The following GUCY1A2 variants were observed in gnomAD, a reference collection of about 807,000 sequenced individuals.
The protein encoded by GUCY1A2 is guanylate cyclase soluble subunit alpha-2.
In GUCY1A2, 27 loss-of-function variants were observed where a neutral mutation model predicts 63.5. The observed-to-expected ratio is 0.43, with a 90% CI of 0.31 to 0.59. The LOEUF (loss-of-function observed/expected upper bound fraction) is 0.59. Among genes scored for constraint, GUCY1A2 ranks in the 20% least tolerant of loss-of-function variants. The pLI, the probability that GUCY1A2 is intolerant of heterozygous loss-of-function variation, is 0.11. For synonymous variants in GUCY1A2, 364 were observed against 343.5 expected, an observed-to-expected ratio of 1.06 and a Z score of -0.66; for missense variants, 768 against 913.3, an observed-to-expected ratio of 0.84 and a Z score of 2.05.
chr11:106,809,457 T>A (rs1223227432), intron 5 of GUCY1A2, among the ~76,000 whole-genome samples: 1 of 152,204 alleles, frequency 6.6e-6, no homozygotes, highest in East Asian at 1.9e-4. Context: ...CTTGGAAAAT[T>A]AAGGTACTTC....
intron 4 of GUCY1A2, among the ~76,000 whole-genome samples, chr11:106,927,887 T>C (rs1478628829): frequency 6.6e-6 from 1 of 152,122 alleles, no homozygotes; most frequent in East Asian, 1.9e-4. Context: ...TAAGTCTTTA[T>C]AACCACAGAA....
chr11:106,781,923 C>T (rs995608824), intron 5 of GUCY1A2, among the ~76,000 whole-genome samples: 4 of 152,106 alleles, frequency 2.6e-5, no homozygotes, highest in African/African-American at 7.2e-5. Flanking sequence ...TTTCTTTTAG[C>T]TCCTAATTAA....
At chr11:106,907,559 C>T (rs947730444) in intron 4 of GUCY1A2, among the ~76,000 whole-genome samples, 2 of 151,652 alleles carry the variant, frequency 1.3e-5, no homozygotes, top group East Asian at 1.9e-4. Flanking sequence ...TCCCGCCTCC[C>T]GCCACCCCAC....
At position 106,684,540 on chromosome 11, in the gene GUCY1A2, A is replaced by G. The variant is rs1862489125; in HGVS notation, c.*3009T>C. ...TATTGGGGGATTCTGATTTTGTTAG[A>G]TAACTGATTTATTTGCAAATGATGA... On this transcript the variant is annotated 3_prime_UTR_variant, in exon 8 of 8. Coordinates refer to ENST00000526355, the MANE Select transcript of GUCY1A2 (RefSeq NM_000855.3). 2 of 196,790 alleles carry G rather than the reference A, an allele frequency of 1.0e-5. No individual in the cohort carries two copies. The highest frequency in any genetic ancestry group is 2.1e-5 in the Non-Finnish European group (2 of 94,920). 12.2% of individuals were successfully genotyped at this position (196,790 alleles called of 1,614,324 possible).
intron 5 of GUCY1A2, among the ~76,000 whole-genome samples, chr11:106,790,902 G>A (rs76688113): frequency 0.048 from 7,239 of 152,206 alleles, 174 homozygotes; most frequent in East Asian, 0.11. Context: ...CTCCTTAAGC[G>A]AAAGGAAGAA....
At chr11:106,787,596 A>AGGGGGAGGGGGGAGGAGGGAAGG (rs1321102996) in intron 5 of GUCY1A2, among the ~76,000 whole-genome samples, 3 of 141,906 alleles carry the variant, frequency 2.1e-5, no homozygotes, top group Non-Finnish European at 4.7e-5. Context: ...AAGGAAGGGA[A>AGGGGGAGGGGGGAGGAGGGAAGG]GGGAAAAAGA....
intron 6 of GUCY1A2, among the ~76,000 whole-genome samples, chr11:106,720,108 A>C (rs1343721636): frequency 6.6e-6 from 1 of 152,196 alleles, no homozygotes; most frequent in Admixed American, 6.5e-5. Flanking sequence ...AAATATTAGC[A>C]ACTAGGACAG....
chr11:106,995,304 G>A (rs567248345), intron 1 of GUCY1A2, among the ~76,000 whole-genome samples: 8 of 151,848 alleles, frequency 5.3e-5, no homozygotes, highest in South Asian at 2.1e-4. Flanking sequence ...GTATTACCCC[G>A]GTTTTATGAA....
At chr11:106,827,843 G>A (rs1282643746) in intron 4 of GUCY1A2, 1 of 1,599,994 alleles carries the variant, frequency 6.3e-7, no homozygotes, top group Non-Finnish European at 8.6e-7. Flanking sequence ...TGCCGCCGCC[G>A]ACCACCATGA....
chr11:106,901,452 AATGGC>A (rs762375818), intron 4 of GUCY1A2, among the ~76,000 whole-genome samples: 2 of 152,180 alleles, frequency 1.3e-5, no homozygotes, highest in Non-Finnish European at 2.9e-5. Flanking sequence ...CAATGTTCTT[AATGGC>A]ATCTACAATG....
Position 106,940,009 on chromosome 11 carries a change from A to G in GUCY1A2, c.657T>C (p.Thr219=). 1 of 1,614,116 alleles carries G rather than the reference A, an allele frequency of 6.2e-7. No homozygotes were observed. Among genetic ancestry groups the G allele is most frequent in the South Asian group, 1.1e-5 (1 of 91,084 alleles). ...TGCATAGGAAAGATGGTGACTCCAGAGTGGCCTGTTTTCCAAAAGAAGTTC... is the reference window on the plus strand; with the variant it reads ...TGCATAGGAAAGATGGTGACTCCAGGGTGGCCTGTTTTCCAAAAGAAGTTC... ...HIRTSFGKQA[T]LESPSFLCKE... is the part of the protein sequence containing the mutation. The change falls in exon 4 of 8, where the codon ACT becomes ACC. Residue 219 remains threonine, a synonymous_variant. Coordinates refer to ENST00000526355, the MANE Select transcript of GUCY1A2 (RefSeq NM_000855.3).
chr11:106,936,693 C>A, intron 4 of GUCY1A2: 2 of 1,527,826 alleles, frequency 1.3e-6, no homozygotes, highest in Non-Finnish European at 1.7e-6. Context: ...CGTCAGATGC[C>A]CCTCGGTGAC....
chr11:106,977,081 G>A (rs903093147), intron 3 of GUCY1A2, among the ~76,000 whole-genome samples: 2 of 152,158 alleles, frequency 1.3e-5, no homozygotes, highest in Admixed American at 6.5e-5. Context: ...AAAATAGGGA[G>A]CATAAAGAAG....
intron 6 of GUCY1A2, among the ~76,000 whole-genome samples, chr11:106,744,423 T>G (rs1425361992): frequency 6.6e-6 from 1 of 152,102 alleles, no homozygotes; most frequent in Non-Finnish European, 1.5e-5. Flanking sequence ...ATTTTTGTAT[T>G]TTTAGTAGAG....
chr11:106,831,585 G>C (rs2135437291), intron 4 of GUCY1A2, among the ~76,000 whole-genome samples: 1 of 152,310 alleles, frequency 6.6e-6, no homozygotes, highest in Middle Eastern at 3.4e-3. Flanking sequence ...TGGAATGTGA[G>C]TTTAGCCTAT....
chr11:106,869,029 C>A (rs536254976), intron 4 of GUCY1A2, among the ~76,000 whole-genome samples: 1 of 152,006 alleles, frequency 6.6e-6, no homozygotes, highest in Non-Finnish European at 1.5e-5. Context: ...ATTTAACAAA[C>A]GGTGCTGGGA....
intron 4 of GUCY1A2, among the ~76,000 whole-genome samples, chr11:106,826,198 A>G (rs1858968946): frequency 6.6e-6 from 1 of 152,214 alleles, no homozygotes; most frequent in South Asian, 2.1e-4. Flanking sequence ...TATTGGAAAG[A>G]TATATCTATA....
intron 4 of GUCY1A2, among the ~76,000 whole-genome samples, chr11:106,918,938 C>T (rs766436584): frequency 2.0e-5 from 3 of 152,056 alleles, no homozygotes; most frequent in African/African-American, 4.8e-5. Flanking sequence ...AACCTAAATT[C>T]GATACTGCCC....
intron 7 of GUCY1A2, among the ~76,000 whole-genome samples, chr11:106,693,827 T>G (rs953531216): frequency 5.2e-4 from 79 of 152,214 alleles, no homozygotes; most frequent in Middle Eastern, 3.4e-3. Context: ...ATTTTAAATC[T>G]ATGAGAATAT....
Sources: allele counts gnomAD v4.1 joint callset (sites outside exome capture counted in the v4.1 genomes callset), GRCh38; gene constraint gnomAD v4.1.1; transcripts MANE v1.5; gene names NCBI Gene and HGNC (gene_info 2026-07-23, HGNC 2026-07-21).